The following ACAP3 variants were observed in gnomAD, a reference collection of about 807,000 sequenced individuals.
The protein encoded by ACAP3 is arf-GAP with coiled-coil, ANK repeat and PH domain-containing protein 3.
A neutral mutation model predicts 104.1 loss-of-function variants in ACAP3; 56 were observed. That is an observed-to-expected ratio of 0.54 (90% confidence interval 0.43 to 0.67). The LOEUF (loss-of-function observed/expected upper bound fraction) is 0.67, where lower values mean the gene tolerates loss of function less well. Among genes scored for constraint, ACAP3 ranks in the 30% least tolerant of loss-of-function variants. The probability of loss-of-function intolerance (pLI) is 0.00; values close to 1 mark genes in which losing one functional copy is unlikely to be tolerated. For missense variants in ACAP3, 1,208 were observed against 1,174.9 expected (o/e 1.03, Z -0.41); for synonymous variants, 628 against 496.2 (o/e 1.27, Z -3.53).
rs1036571625 is a variant in ACAP3, at chr1:1,307,702, C to T, written c.47+67G>A. ...CCCGGCGCTGACCTCCCCACCCCGC[C>T]GCCGGGCACAAAGGCGACAGCGACG... On this transcript the variant is annotated intron_variant, in intron 1 of 23. Coordinates refer to ENST00000354700, the MANE Select transcript of ACAP3 (RefSeq NM_030649.3). The T allele has an allele frequency of 3.9e-3, 4,157 of 1,068,912 alleles. 19 individuals carry two copies. Among genetic ancestry groups the T allele is most frequent in the Middle Eastern group, 7.3e-3 (17 of 2,336 alleles). 66.2% of individuals were successfully genotyped at this position (1,068,912 alleles called of 1,614,324 possible). A position where few individuals can be genotyped will look rare whatever the true frequency, so the allele number is the denominator to read the frequency against.
chr1:1,304,238 G>T, intron 1 of ACAP3, 95 bp from the exon 2 acceptor site: 1 of 1,455,134 alleles, frequency 6.9e-7, no homozygotes, highest in South Asian at 1.2e-5. Context: ...CTCCACCATG[G>T]GAAGGGGCTT....
At chr1:1,298,205 C>G in intron 12 of ACAP3, 92 bp from the exon 13 acceptor site, 5 of 1,564,250 alleles carry the variant, frequency 3.2e-6, no homozygotes, top group Non-Finnish European at 4.3e-6. Flanking sequence ...CGGAGGCCGA[C>G]TGCCTGAGCC....
At position 1,299,950 on chromosome 1, in the gene ACAP3, C is replaced by T. The variant is rs369744633; in HGVS notation, c.663+23G>A. 25 of 1,602,464 alleles carry T rather than the reference C, an allele frequency of 1.6e-5. No individual in the cohort carries two copies. The African/African-American group carries it at 2.5e-4, about 16-fold the overall frequency. ...GGAAGGTCACGGAGGCCTGGCCCAG[C>T]CCCACCCCTCCCAAAGGCTCACCTC... On this transcript the variant is annotated intron_variant, in intron 8 of 23. Coordinates refer to ENST00000354700, the MANE Select transcript of ACAP3 (RefSeq NM_030649.3).
chr1:1,293,698 C>T lies in ACAP3; in HGVS notation c.2371G>A (p.Ala791Thr). 7.3e-7 allele frequency: 1 copy of T among 1,369,488 alleles called. No individual in the cohort carries two copies. Among genetic ancestry groups the T allele is most frequent in the Non-Finnish European group, 9.4e-7 (1 of 1,065,214 alleles). The allele number at this position is 1,369,488 out of a possible 1,614,324, so 84.8% of individuals were successfully genotyped here. A position where few individuals can be genotyped will look rare whatever the true frequency, so the allele number is the denominator to read the frequency against. The change falls in exon 24 of 24, where the codon GCG becomes ACG. Residue 791 changes from alanine to threonine, a missense_variant. Physicochemically the swap from Ala to Thr is moderately conservative, Grantham distance 58 (BLOSUM62 0). Transcript: ENST00000354700. The part of the protein sequence containing the change: ...NADIVTLLRL[A>T]RMAEEMREAE... ...TCGCGCATTTCCTCCGCCATGCGCG[C>T]CAGACGGAGCCTACGGGGAGGCACA...
rs200679086 is a variant in ACAP3, at chr1:1,295,904, C to T, written c.1537G>A (p.Val513Met). The T allele has an allele frequency of 1.1e-5, 18 of 1,612,326 alleles. No homozygotes were observed. Among genetic ancestry groups the T allele is most frequent in the South Asian group, 2.2e-5 (2 of 91,090 alleles). Residue 513 changes from valine to methionine, a missense_variant, in exon 18 of 24, where the codon GTG (valine) becomes ATG (methionine). Physicochemically the swap from Val to Met is conservative, Grantham distance 21 (BLOSUM62 1). Coordinates refer to ENST00000354700, the MANE Select transcript of ACAP3 (RefSeq NM_030649.3). Reference sequence around the variant, plus strand: ...GCCTTCCGCAGAAACTTCTTTTCCACGTATTTGTCCTTGATCCAGGCCTCC... The same window carrying T: ...GCCTTCCGCAGAAACTTCTTTTCCATGTATTTGTCCTTGATCCAGGCCTCC... ...DKEAWIKDKY[V>M]EKKFLRKAPM...
intron 19 of ACAP3, 146 bp from the exon 20 acceptor site, chr1:1,294,962 C>T: frequency 1.4e-6 from 1 of 725,400 alleles, no homozygotes; most frequent in Non-Finnish European, 2.3e-6. Flanking sequence ...GGGGAGCCAG[C>T]TGCAGGCTAG....
chr1:1,306,319 G>A (rs1022966198), intron 1 of ACAP3, among the ~76,000 whole-genome samples: 4 of 151,718 alleles, frequency 2.6e-5, no homozygotes, highest in African/African-American at 7.3e-5. Context: ...AGGTCCATTA[G>A]GCTTCTGACG....
Position 1,298,360 on chromosome 1 carries a change from C to A in ACAP3, c.915+10G>T. The A allele has an allele frequency of 1.2e-6, 2 of 1,605,238 alleles. No homozygotes were observed. The highest frequency in any genetic ancestry group is 1.7e-5 in the Admixed American group (1 of 58,910). Reference sequence around the variant, plus strand: ...GCCATCAGGGCCCCAGCCCCAGGCCCAGGGCACACCTTGAGCTTCTTCTGG... The same window carrying A: ...GCCATCAGGGCCCCAGCCCCAGGCCAAGGGCACACCTTGAGCTTCTTCTGG... On this transcript the variant is annotated intron_variant, in intron 12 of 23. Coordinates refer to ENST00000354700, the MANE Select transcript of ACAP3 (RefSeq NM_030649.3).
At chr1:1,304,422 C>A in intron 1 of ACAP3, 1 of 548,878 alleles carries the variant, frequency 1.8e-6, no homozygotes, top group South Asian at 2.0e-5. Context: ...CGCTGGGAGT[C>A]CCTCAGGGAC....
Position 1,296,030 on chromosome 1 carries a change from G to A in ACAP3, c.1487C>T (p.Thr496Ile). 6.2e-7 allele frequency: 1 copy of A among 1,612,832 alleles called. No homozygotes were observed. The highest frequency in any genetic ancestry group is 8.5e-7 in the Non-Finnish European group (1 of 1,179,982). Residue 496 changes from threonine to isoleucine, a missense_variant, in exon 17 of 24, where the codon ACA (threonine) becomes ATA (isoleucine). Physicochemically the swap from Thr to Ile is moderately conservative, Grantham distance 89. Coordinates refer to ENST00000354700, the MANE Select transcript of ACAP3 (RefSeq NM_030649.3). ...CCCACCTCACCGGGAGCTGCTGGCT[G>A]TGGGTTTCCTGCTGCCTGCACCCTC... ...QCEGAGSRKP[T>I]ASSSRQDKEA...
chr1:1,294,263 T>C, intron 21 of ACAP3, 64 bp from the exon 22 acceptor site: 1 of 1,522,590 alleles, frequency 6.6e-7, no homozygotes, highest in Non-Finnish European at 8.9e-7. Context: ...CTCTGCACCC[T>C]GACCCCGGCC....
At position 1,299,888 on chromosome 1, in the gene ACAP3, G is replaced by C. The variant is rs80128433; in HGVS notation, c.681C>G (p.Ile227Met). ...KLAAELDQLV[I>M]DSAVEKREME... ...TCTCACGCTTTTCCACCGCAGAGTC[G>C]ATCACCAGCTGGTCCAGCTGTTGGG... The change falls in exon 9 of 24, where the codon ATC (isoleucine) becomes ATG (methionine). Residue 227 changes from isoleucine to methionine, a missense_variant. By Grantham distance (10) the Ile-to-Met change is conservative (BLOSUM62 1). Transcript: ENST00000354700. 1 of 1,581,162 alleles carries C rather than the reference G, an allele frequency of 6.3e-7. No individual in the cohort carries two copies. Among genetic ancestry groups the C allele is most frequent in the East Asian group, 2.3e-5 (1 of 43,582 alleles).
At position 1,294,751 on chromosome 1, in the gene ACAP3, A is replaced by G; in HGVS notation, c.1879T>C (p.Ser627Pro). ...DGSSDVLAFG[S>P]GSVVDSVTEE... ...GTGACGCTGTCCACCACAGAGCCCG[A>G]GCCGAAAGCCAGGACGTCCGAGCTG... The change falls in exon 20 of 24, where the codon TCG (serine) becomes CCG (proline). Residue 627 changes from serine (S) to proline (P), a missense_variant. Coordinates refer to ENST00000354700, the MANE Select transcript of ACAP3 (RefSeq NM_030649.3). The G allele has an allele frequency of 6.5e-7, 1 of 1,549,796 alleles. No homozygotes were observed. The highest frequency in any genetic ancestry group is 8.7e-7 in the Non-Finnish European group (1 of 1,146,710).
chr1:1,296,130 C>G, intron 16 of ACAP3, 21 bp from the exon 17 acceptor site: 3 of 1,612,324 alleles, frequency 1.9e-6, no homozygotes, highest in Non-Finnish European at 2.5e-6. Context: ...ACAGGGCGAG[C>G]AGGCATCAGT....
Position 1,294,405 on chromosome 1 carries a change from T to C in ACAP3, c.2136A>G (p.Leu712=), listed in dbSNP as rs766620672. Reference sequence around the variant, plus strand: ...GCAGCCCCCGTGGCTCGCTCACCCCTAGCACGGCCTGCACCAGCGGCGTCT... The same window carrying C: ...GCAGCCCCCGTGGCTCGCTCACCCCCAGCACGGCCTGCACCAGCGGCGTCT... The part of the protein sequence containing the change: ...EGKTPLVQAV[L]GGSLIVCEFL... Residue 712 remains leucine, a synonymous_variant, in exon 21 of 24, where the codon CTA becomes CTG. Coordinates refer to ENST00000354700, the MANE Select transcript of ACAP3 (RefSeq NM_030649.3). 1.3e-6 allele frequency: 2 copies of C among 1,574,142 alleles called. No individual in the cohort carries two copies. The highest frequency in any genetic ancestry group is 1.7e-6 in the Non-Finnish European group (2 of 1,164,930).
Position 1,297,853 on chromosome 1 carries a change from T to C in ACAP3, c.1097A>G (p.Tyr366Cys). The stretch of plus-strand genomic sequence containing the variant: ...ATAGCAACTGTCAGGGCTCTCGCGG[T>C]AGGCGGAGGCGATGCTGGCCTGCAC... ...QAVQASIASA[Y>C]RESPDSCYSE... Residue 366 changes from tyrosine (Y) to cysteine (C), a missense_variant, in exon 14 of 24, where the codon TAC (tyrosine) becomes TGC (cysteine). By Grantham distance (194) the Tyr-to-Cys change is radical. Coordinates refer to ENST00000354700, the MANE Select transcript of ACAP3 (RefSeq NM_030649.3). 6.2e-7 allele frequency: 1 copy of C among 1,611,676 alleles called. No homozygotes were observed. Among genetic ancestry groups the C allele is most frequent in the Non-Finnish European group, 8.5e-7 (1 of 1,179,348 alleles).
At position 1,293,283 on chromosome 1, in the gene ACAP3, G is replaced by A. The variant is rs1457566089; in HGVS notation, c.*281C>T. On this transcript the variant is annotated 3_prime_UTR_variant, in exon 24 of 24. Coordinates refer to ENST00000354700, the MANE Select transcript of ACAP3 (RefSeq NM_030649.3). ...AGTGGCTTGTGACATGAGCAACCCAGGCCCCTGAAAAGGGGTGACCTGAAG... is the reference window on the plus strand; with the variant it reads ...AGTGGCTTGTGACATGAGCAACCCAAGCCCCTGAAAAGGGGTGACCTGAAG... 4.4e-5 allele frequency: 11 copies of A among 252,370 alleles called. No homozygotes were observed. The East Asian group carries it at 7.8e-4, about 18-fold the overall frequency. The allele number at this position is 252,370 out of a possible 1,614,324, so 15.6% of individuals were successfully genotyped here. A position where few individuals can be genotyped will look rare whatever the true frequency, so the allele number is the denominator to read the frequency against.
chr1:1,302,347 C>T (rs957082362), intron 4 of ACAP3, among the ~76,000 whole-genome samples: 3 of 152,100 alleles, frequency 2.0e-5, no homozygotes, highest in Non-Finnish European at 4.4e-5. Flanking sequence ...TGGGCGGCCA[C>T]CCTGGGGTGC....
Position 1,293,930 on chromosome 1 carries a change from C to T in ACAP3, c.2253G>A (p.Gln751=). The change falls in exon 23 of 24, where the codon CAG becomes CAA. Residue 751 remains glutamine (Q), a synonymous_variant. Transcript: ENST00000354700. Reference sequence around the variant, plus strand: ...CGCCCCGCTTCAGGAACAGGCAAACCTGGCTGAGGGGCGAGGTCGGAGGGG... The same window carrying T: ...CGCCCCGCTTCAGGAACAGGCAAACTTGGCTGAGGGGCGAGGTCGGAGGGG... ...HHATLLGRTG[Q]VCLFLKRGAD... is the part of the protein sequence containing the mutation. The T allele has an allele frequency of 1.3e-6, 2 of 1,568,508 alleles. No homozygotes were observed. Among genetic ancestry groups the T allele is most frequent in the Non-Finnish European group, 1.7e-6 (2 of 1,159,506 alleles).
Sources: allele counts gnomAD v4.1 joint callset (sites outside exome capture counted in the v4.1 genomes callset), GRCh38; gene constraint gnomAD v4.1.1; transcripts MANE v1.5; gene names NCBI Gene and HGNC (gene_info 2026-07-23, HGNC 2026-07-21).